The following DHRS7C variants were observed in gnomAD, a reference collection of about 807,000 sequenced individuals.
DHRS7C encodes dehydrogenase/reductase 7C.
A neutral mutation model predicts 29.6 loss-of-function variants in DHRS7C; 28 were observed. That is an observed-to-expected ratio of 0.95 (90% CI 0.70 to 1.30). The LOEUF is 1.30. Among genes scored for constraint, DHRS7C ranks in the 50% most tolerant of loss-of-function variants. The pLI, the probability that DHRS7C is intolerant of heterozygous loss-of-function variation, is 0.00. For synonymous variants in DHRS7C, 158 were observed against 160.2 expected, an observed-to-expected ratio of 0.99 and a Z score of 0.10; for missense variants, 403 against 393.3, an observed-to-expected ratio of 1.02 and a Z score of -0.21.
At chr17:9,777,124 A>C in intron 4 of DHRS7C, 69 bp downstream of exon 4, 1 of 1,359,682 alleles carries the variant, frequency 7.4e-7, no homozygotes, top group Non-Finnish European at 1.0e-6. Flanking sequence ...AGTCTTAGAC[A>C]TAACAGCTCT....
intron 4 of DHRS7C, among the ~76,000 whole-genome samples, chr17:9,773,416 C>G (rs991851826): frequency 1.5e-4 from 23 of 152,084 alleles, no homozygotes; most frequent in African/African-American, 5.3e-4. Context: ...AGAGCCCGTC[C>G]AGGTAATCCA....
At chr17:9,779,145 T>C (rs1160143912) in intron 3 of DHRS7C, among the ~76,000 whole-genome samples, 1 of 152,142 alleles carries the variant, frequency 6.6e-6, no homozygotes, top group Non-Finnish European at 1.5e-5. Flanking sequence ...CCTGACTTCA[T>C]GATCTGTCAA....
chr17:9,790,655 G>A (rs538758901), intron 1 of DHRS7C, among the ~76,000 whole-genome samples: 17 of 152,268 alleles, frequency 1.1e-4, no homozygotes, highest in South Asian at 2.1e-4. Context: ...CTATGAACTC[G>A]TTTATTCCTC....
chr17:9,784,942 C>G (rs1832435952), intron 1 of DHRS7C, among the ~76,000 whole-genome samples: 2 of 152,140 alleles, frequency 1.3e-5, no homozygotes, highest in Non-Finnish European at 2.9e-5. Context: ...AGATTCAAAA[C>G]AGTGTGTTGA....
intron 1 of DHRS7C, among the ~76,000 whole-genome samples, chr17:9,789,291 C>G (rs1341687206): frequency 6.6e-6 from 1 of 152,126 alleles, no homozygotes; most frequent in Non-Finnish European, 1.5e-5. Context: ...TTAAAAGAAT[C>G]GAAATCATAC....
intron 4 of DHRS7C, among the ~76,000 whole-genome samples, chr17:9,773,375 C>T (rs546099337): frequency 5.9e-5 from 9 of 152,258 alleles, no homozygotes; most frequent in Admixed American, 3.9e-4. Context: ...CACAGATATC[C>T]CCTCTCCCTT....
chr17:9,782,220 C>A (rs1296045677), intron 1 of DHRS7C, among the ~76,000 whole-genome samples: 1 of 152,196 alleles, frequency 6.6e-6, no homozygotes, highest in African/African-American at 2.4e-5. Flanking sequence ...GCTGTAGGAA[C>A]TGTTGAAAGA....
intron 1 of DHRS7C, among the ~76,000 whole-genome samples, chr17:9,787,269 A>G (rs1462990437): frequency 1.3e-5 from 2 of 152,216 alleles, no homozygotes; most frequent in Admixed American, 6.5e-5. Flanking sequence ...GCAGCAGGGC[A>G]CTGGAGCAGG....
At chr17:9,779,697 T>C in intron 3 of DHRS7C, 128 bp downstream of exon 3, 2 of 911,632 alleles carry the variant, frequency 2.2e-6, no homozygotes, top group South Asian at 1.8e-5. Context: ...TTTCACCCAA[T>C]AGGTAGGGAA....
intron 3 of DHRS7C, among the ~76,000 whole-genome samples, chr17:9,778,864 C>T (rs2066377635): frequency 6.6e-6 from 1 of 152,146 alleles, no homozygotes; most frequent in Non-Finnish European, 1.5e-5. Flanking sequence ...CATTACATTC[C>T]CCCTGAGCTT....
chr17:9,781,141 G>T (rs2066390687), intron 2 of DHRS7C, among the ~76,000 whole-genome samples: 1 of 152,050 alleles, frequency 6.6e-6, no homozygotes, highest in Admixed American at 6.5e-5. Flanking sequence ...CTTTGATGGA[G>T]ATATCAGTTC....
intron 3 of DHRS7C, among the ~76,000 whole-genome samples, chr17:9,777,537 T>TC (rs2066369538): frequency 6.9e-5 from 1 of 14,390 alleles, no homozygotes; most frequent in Admixed American, 7.9e-4. Flanking sequence ...CACTGATTTC[T>TC]TTTTTTTTTT....
At chr17:9,785,820 C>T (rs1386969164) in intron 1 of DHRS7C, among the ~76,000 whole-genome samples, 1 of 152,124 alleles carries the variant, frequency 6.6e-6, no homozygotes, top group Non-Finnish European at 1.5e-5. Context: ...TATCTTGTCT[C>T]CTTCCAGTCC....
At chr17:9,783,036 T>G (rs1313073961) in intron 1 of DHRS7C, 1 of 152,290 alleles carries the variant, frequency 6.6e-6, no homozygotes, top group Non-Finnish European at 1.5e-5. Flanking sequence ...ATGGAGGAAT[T>G]GAGATGCTGG....
chr17:9,782,376 G>A (rs1246096849), intron 1 of DHRS7C, among the ~76,000 whole-genome samples: 1 of 152,210 alleles, frequency 6.6e-6, no homozygotes, highest in East Asian at 1.9e-4. Context: ...TTGCTCTTCA[G>A]AGACAGCCTA....
chr17:9,773,533 T>A (rs1296296417), intron 4 of DHRS7C, among the ~76,000 whole-genome samples: 1 of 151,986 alleles, frequency 6.6e-6, no homozygotes, highest in Non-Finnish European at 1.5e-5. Flanking sequence ...CTTTGGGAAG[T>A]TAGAGCCACA....
At chr17:9,776,553 C>T (rs1309130923) in intron 4 of DHRS7C, among the ~76,000 whole-genome samples, 2 of 152,040 alleles carry the variant, frequency 1.3e-5, no homozygotes. Context: ...TAGTGTGGGC[C>T]ACGAATAAAT....
chr17:9,772,472 A>G (rs974498083), intron 5 of DHRS7C, among the ~76,000 whole-genome samples: 2 of 152,164 alleles, frequency 1.3e-5, no homozygotes, highest in Non-Finnish European at 2.9e-5. Context: ...AGGCCATGAC[A>G]TCTGGGAAAA....
At position 9,779,805 on chromosome 17, in the gene DHRS7C, G is replaced by A. The variant is rs1157532186; in HGVS notation, c.478+20C>T. On this transcript the variant is annotated intron_variant, in intron 3 of 5. Transcript: ENST00000571134. ...AATCTGGTGGCCCAGATACCCATGG[G>A]AAAGTCAAACTCACGAGACCTTTCG... 1.9e-6 allele frequency: 3 copies of A among 1,602,342 alleles called. No individual in the cohort carries two copies. Among genetic ancestry groups the A allele is most frequent in the Non-Finnish European group, 1.7e-6 (2 of 1,174,010 alleles).
Sources: allele counts gnomAD v4.1 joint callset (sites outside exome capture counted in the v4.1 genomes callset), GRCh38; gene constraint gnomAD v4.1.1; transcripts MANE v1.5; gene names NCBI Gene and HGNC (gene_info 2026-07-23, HGNC 2026-07-21).